NPC1: variants seen among roughly 807,000 people sequenced by gnomAD.
NPC1 encodes the protein Niemann-Pick C1 protein.
A neutral mutation model predicts 140.4 loss-of-function variants in NPC1; 85 were observed. The ratio of observed to expected loss-of-function variants is 0.61; its 90% CI spans 0.51 to 0.72. The LOEUF (loss-of-function observed/expected upper bound fraction) is 0.72, where lower values mean the gene tolerates loss of function less well. Ranked by LOEUF, NPC1 falls within the 30% of genes least tolerant of loss-of-function variation. The probability of loss-of-function intolerance (pLI) is 0.00; values close to 1 mark genes in which losing one functional copy is unlikely to be tolerated. For synonymous variants in NPC1, 656 were observed against 624.8 expected (o/e 1.05, Z -0.74); for missense variants, 1,504 against 1,623.8 (o/e 0.93, Z 1.27).
At chr18:23,536,005 C>A (rs1028438151) in intron 21 of NPC1, among the ~76,000 whole-genome samples, 5 of 152,112 alleles carry the variant, frequency 3.3e-5, no homozygotes, top group South Asian at 4.2e-4. Flanking sequence ...TGAAAAAACA[C>A]AAAAAAACAA....
rs993896804 is a variant in NPC1, at chr18:23,556,279, G to A, written c.1290C>T (p.Pro430=). 1 of 1,614,148 alleles carries A rather than the reference G, an allele frequency of 6.2e-7. No individual in the cohort carries two copies. ...TCTGTATGTCAAGCGGAGGTCCAAAGGGTACATCAGCTCCCGAAGGGTATG... is the reference window on the plus strand; with the variant it reads ...TCTGTATGTCAAGCGGAGGTCCAAAAGGTACATCAGCTCCCGAAGGGTATG... The part of the protein sequence containing the change: ...YQPYPSGADV[P]FGPPLDIQIL... Residue 430 remains proline, a synonymous_variant, in exon 8 of 25, where the codon CCC becomes CCT. Transcript: ENST00000269228.
At chr18:23,573,604 T>G (rs758396229) in intron 1 of NPC1, 30 bp from the exon 2 acceptor site, 1 of 1,614,022 alleles carries the variant, frequency 6.2e-7, no homozygotes, top group Admixed American at 1.7e-5. Flanking sequence ...ACTTCAGTGT[T>G]ACCAGGGTCT....
At chr18:23,509,225 G>T in intron 3 of NPC1, 1 of 1,463,972 alleles carries the variant, frequency 6.8e-7, no homozygotes, top group South Asian at 1.6e-5. Context: ...GATTCTGCTG[G>T]ACTAGTTCAA....
At position 23,586,464 on chromosome 18, in the gene NPC1, A is replaced by C; in HGVS notation, c.-121T>G. 1 of 1,467,314 alleles carries C rather than the reference A, an allele frequency of 6.8e-7. No individual in the cohort carries two copies. Among genetic ancestry groups the C allele is most frequent in the Admixed American group, 2.3e-5 (1 of 42,588 alleles). 90.9% of individuals were successfully genotyped at this position (1,467,314 alleles called of 1,614,324 possible). Reference sequence around the variant, plus strand: ...GCAGGAGGAGCGGAGGAGCAGGAGCAGGCGCTGACCGCGGCAGCAGGCTGC... The same window carrying C: ...GCAGGAGGAGCGGAGGAGCAGGAGCCGGCGCTGACCGCGGCAGCAGGCTGC... On this transcript the variant is annotated 5_prime_UTR_variant, in exon 1 of 25. Coordinates refer to ENST00000269228, the MANE Select transcript of NPC1 (RefSeq NM_000271.5).
At chr18:23,518,938 C>T, downstream of NPC1, 1 of 1,614,162 alleles carries the variant, frequency 6.2e-7, no homozygotes, top group Non-Finnish European at 8.5e-7. Flanking sequence ...CTCGGACCTC[C>T]AACAGCACAG....
chr18:23,507,128 T>G, intron 3 of NPC1: 5 of 1,076,654 alleles, frequency 4.6e-6, no homozygotes, highest in Non-Finnish European at 6.9e-6. Context: ...TCGCAAATTT[T>G]CAGTGTTAAA....
chr18:23,531,170 T>C (rs780939950), downstream of NPC1, among the ~76,000 whole-genome samples: 9 of 152,140 alleles, frequency 5.9e-5, no homozygotes, highest in Non-Finnish European at 1.2e-4. Flanking sequence ...TTTGTATTTT[T>C]AGTAGAGATG....
At position 23,539,992 on chromosome 18, in the gene NPC1, T is replaced by C. The variant is rs769612789; in HGVS notation, c.2614A>G (p.Met872Val). ...CTGATGGATTTGAAATAATCCACCATGTAGGAGTCCTGAAAGAAAGATAAA... is the reference window on the plus strand; with the variant it reads ...CTGATGGATTTGAAATAATCCACCACGTAGGAGTCCTGAAAGAAAGATAAA... ...QSLSMPDDSY[M>V]VDYFKSISQY... is the part of the protein sequence containing the mutation. The change falls in exon 18 of 25, where the codon ATG becomes GTG. Residue 872 changes from methionine to valine, a missense_variant. Physicochemically the swap from Met to Val is conservative, Grantham distance 21 (BLOSUM62 1). Transcript: ENST00000269228. 1.4e-5 allele frequency: 22 copies of C among 1,612,974 alleles called. No individual in the cohort carries two copies. Among genetic ancestry groups the C allele is most frequent in the Admixed American group, 6.7e-5 (4 of 59,998 alleles).
intron 1 of NPC1, among the ~76,000 whole-genome samples, chr18:23,582,738 G>A (rs952750857): frequency 1.1e-4 from 16 of 151,442 alleles, no homozygotes; most frequent in Admixed American, 1.1e-3. Context: ...CCGGGAGGTC[G>A]AGGCTGTAGT....
In NPC1 at chr18:23,539,372, T is replaced by C; in HGVS notation, c.2894A>G (p.Gln965Arg). ...GAAGGTACCTGAAGCATTGCAGAACTGGTCAGTGATATTGTCCACTCGACA... is the reference window on the plus strand; with the variant it reads ...GAAGGTACCTGAAGCATTGCAGAACCGGTCAGTGATATTGTCCACTCGACA... ...SCCRVDNITD[Q>R]FCNASVVDPA... The change falls in exon 19 of 25, where the codon CAG becomes CGG. Residue 965 changes from glutamine to arginine, a missense_variant. Transcript: ENST00000269228. 1 of 1,612,552 alleles carries C rather than the reference T, an allele frequency of 6.2e-7. No individual in the cohort carries two copies. Among genetic ancestry groups the C allele is most frequent in the South Asian group, 1.1e-5 (1 of 90,964 alleles).
rs1598939025 is a variant in NPC1, at chr18:23,536,532, G to A, written c.3245+141C>T. On this transcript the variant is annotated intron_variant, in intron 21 of 24. Transcript: ENST00000269228. ...CCTTTGCCCAGCACCCATTTCCTTTGATATACTGCCCTGTGCTCAGAATGG... is the reference window on the plus strand; with the variant it reads ...CCTTTGCCCAGCACCCATTTCCTTTAATATACTGCCCTGTGCTCAGAATGG... 7.1e-6 allele frequency: 5 copies of A among 700,998 alleles called. No homozygotes were observed. The East Asian group carries it at 1.4e-4, about 19-fold the overall frequency. The allele number at this position is 700,998 out of a possible 1,614,324, so 43.4% of individuals were successfully genotyped here.
Position 23,543,537 on chromosome 18 carries a change from A to C in NPC1, c.2163T>G (p.Asp721Glu), listed in dbSNP as rs1170234612. Residue 721 changes from aspartate to glutamate, a missense_variant, in exon 14 of 25, where the codon GAT becomes GAG. Coordinates refer to ENST00000269228, the MANE Select transcript of NPC1 (RefSeq NM_000271.5). Reference sequence around the variant, plus strand: ...CTCCTAGGACCCTGCCCAGCTGCTGATCCAGGGTTTCCCCTTGAAGACGTT... The same window carrying C: ...CTCCTAGGACCCTGCCCAGCTGCTGCTCCAGGGTTTCCCCTTGAAGACGTT... ...RDERLQGETLDQQLGRVLGEV... is the reference protein window; with the variant it reads ...RDERLQGETLEQQLGRVLGEV... 3 of 1,604,340 alleles carry C rather than the reference A, an allele frequency of 1.9e-6. No individual in the cohort carries two copies. The highest frequency in any genetic ancestry group is 2.6e-6 in the Non-Finnish European group (3 of 1,173,172).
At chr18:23,551,162 AAG>A (rs1404864462) in intron 10 of NPC1, among the ~76,000 whole-genome samples, 1 of 152,212 alleles carries the variant, frequency 6.6e-6, no homozygotes, top group Non-Finnish European at 1.5e-5. Context: ...TTCACACTGT[AAG>A]AGTGTCCAAA....
intron 1 of NPC1, among the ~76,000 whole-genome samples, chr18:23,575,769 C>CAAAAAAAAAAAAAAAA (rs35922440): frequency 5.7e-5 from 2 of 35,106 alleles, no homozygotes; most frequent in African/African-American, 8.5e-5. Context: ...CAGAGAAGAC[C>CAAAAAAAAAAAAAAAA]AAAAAAAAAA....
chr18:23,560,504 T>C, intron 5 of NPC1, 24 bp from the exon 6 acceptor site: 1 of 1,613,170 alleles, frequency 6.2e-7, no homozygotes, highest in Non-Finnish European at 8.5e-7. Flanking sequence ...TTGTGTTGAG[T>C]ACAAATCTCA....
At chr18:23,548,140 G>A in intron 10 of NPC1, 32 bp from the exon 11 acceptor site, 1 of 1,315,600 alleles carries the variant, frequency 7.6e-7, no homozygotes, top group African/African-American at 1.4e-5. Context: ...TCAAAAAGCA[G>A]ATTACAAGCA....
chr18:23,531,525 G>T lies in NPC1; in HGVS notation c.*677C>A. The T allele has an allele frequency of 2.6e-6, 4 of 1,519,368 alleles. No individual in the cohort carries two copies. Among genetic ancestry groups the T allele is most frequent in the Non-Finnish European group, 3.5e-6 (4 of 1,139,788 alleles). The allele number at this position is 1,519,368 out of a possible 1,614,324, so 94.1% of individuals were successfully genotyped here. ...TAGGAAAACAATGTATTTTATTAAA[G>T]AAAAATAAGTTAAAACCCAGTAGAC... On this transcript the variant is annotated 3_prime_UTR_variant, in exon 25 of 25. Transcript: ENST00000269228.
chr18:23,536,472 C>T (rs573601485), intron 21 of NPC1, among the ~76,000 whole-genome samples: 2 of 152,162 alleles, frequency 1.3e-5, no homozygotes, highest in Admixed American at 6.5e-5. Flanking sequence ...CGTCTCTAGC[C>T]CTCAGGCCTT....
chr18:23,554,778 C>T lies in NPC1; in HGVS notation c.1533G>A (p.Thr511=), dbSNP rs778890495. The T allele has an allele frequency of 9.9e-6, 16 of 1,613,582 alleles. No individual in the cohort carries two copies. The highest frequency in any genetic ancestry group is 4.5e-5 in the East Asian group (2 of 44,890). The change falls in exon 9 of 25, where the codon ACG becomes ACA. Residue 511 remains threonine, a synonymous_variant. Coordinates refer to ENST00000269228, the MANE Select transcript of NPC1 (RefSeq NM_000271.5). ...CTTACCGTACGCAGTACAGAAAGTGCGTGTGGTAATCGGCATACACAAAGA... is the reference window on the plus strand; with the variant it reads ...CTTACCGTACGCAGTACAGAAAGTGTGTGTGGTAATCGGCATACACAAAGA... The part of the protein sequence containing the change: ...DDFFVYADYH[T]HFLYCVRAPA...
Sources: allele counts gnomAD v4.1 joint callset (sites outside exome capture counted in the v4.1 genomes callset), GRCh38; gene constraint gnomAD v4.1.1; transcripts MANE v1.5; gene names NCBI Gene and HGNC (gene_info 2026-07-23, HGNC 2026-07-21).